Variants in TENM2 observed in about 807,000 individuals in gnomAD.
TENM2 encodes teneurin transmembrane protein 2.
Under a neutral mutation model 245.2 loss-of-function variants are expected in TENM2, and 52 were observed. That is an observed-to-expected ratio of 0.21 (90% confidence interval 0.17 to 0.27). TENM2 has a LOEUF of 0.27. Among genes scored for constraint, TENM2 ranks in the 10% least tolerant of loss-of-function variants. The pLI is 1.00. For synonymous variants in TENM2, 1,363 were observed against 1,438.9 expected (o/e 0.95, Z 1.19); for missense variants, 3,046 against 3,666.8 (o/e 0.83, Z 4.37).
the TENM2 span, among the ~76,000 whole-genome samples, chr5:166,986,293 G>T: frequency 1.3e-5 from 2 of 152,048 alleles, no homozygotes; most frequent in Non-Finnish European, 1.5e-5. Context: ...GTATGTTTTG[G>T]TTAAAAAAAT....
At chr5:167,541,645 G>A (rs1361600424) in intron 2 of TENM2, among the ~76,000 whole-genome samples, 1 of 152,088 alleles carries the variant, frequency 6.6e-6, no homozygotes, top group Admixed American at 6.6e-5. Flanking sequence ...ATTGCTTTAA[G>A]TGTTCTTTGG....
chr5:167,280,220 C>G (rs1245103328), upstream of TENM2, among the ~76,000 whole-genome samples: 1 of 152,174 alleles, frequency 6.6e-6, no homozygotes, highest in Non-Finnish European at 1.5e-5. Context: ...TGATACCTCT[C>G]TGGGTGGTAG....
At chr5:167,432,454 C>T (rs760732769) in intron 2 of TENM2, among the ~76,000 whole-genome samples, 4 of 151,756 alleles carry the variant, frequency 2.6e-5, no homozygotes, top group South Asian at 2.1e-4. Flanking sequence ...CTTTGCTAAA[C>T]GCATTCATTA....
chr5:168,076,104 T>C (rs559347116), intron 7 of TENM2, among the ~76,000 whole-genome samples: 1 of 152,368 alleles, frequency 6.6e-6, no homozygotes, highest in Non-Finnish European at 1.5e-5. Flanking sequence ...TTTTCAATTG[T>C]ATGTATATTC....
chr5:167,834,834 T>G (rs370546657), intron 2 of TENM2, among the ~76,000 whole-genome samples: 22 of 152,128 alleles, frequency 1.4e-4, no homozygotes, highest in Middle Eastern at 3.4e-3. Context: ...GTATTTTTAG[T>G]AGAGACTGGG....
chr5:167,294,993 G>A (rs1581683205), intron 1 of TENM2, among the ~76,000 whole-genome samples: 2 of 152,106 alleles, frequency 1.3e-5, no homozygotes, highest in African/African-American at 4.8e-5. Flanking sequence ...CCCTTAATGG[G>A]TTGTTATTGT....
At chr5:168,013,175 A>G (rs1481643663) in intron 5 of TENM2, among the ~76,000 whole-genome samples, 1 of 152,184 alleles carries the variant, frequency 6.6e-6, no homozygotes, top group East Asian at 1.9e-4. Context: ...ACTGTGTTAT[A>G]TGTCTATCCC....
chr5:167,530,822 G>A (rs1771444341), intron 2 of TENM2, among the ~76,000 whole-genome samples: 1 of 152,198 alleles, frequency 6.6e-6, no homozygotes, highest in African/African-American at 2.4e-5. Flanking sequence ...CCTCAAATGT[G>A]AGCCCTGCTG....
chr5:167,670,330 C>T (rs928060561), intron 2 of TENM2, among the ~76,000 whole-genome samples: 3 of 152,096 alleles, frequency 2.0e-5, no homozygotes, highest in Admixed American at 1.3e-4. Flanking sequence ...GGGAGCCCTG[C>T]AATTTTACTA....
intron 2 of TENM2, among the ~76,000 whole-genome samples, chr5:167,674,020 G>A (rs1297556396): frequency 1.3e-5 from 2 of 152,060 alleles, no homozygotes; most frequent in Admixed American, 6.6e-5. Flanking sequence ...TATCCACAGA[G>A]CAAAATTTGA....
intron 24 of TENM2, among the ~76,000 whole-genome samples, chr5:168,227,678 G>C (rs1764343520): frequency 6.6e-6 from 1 of 151,920 alleles, no homozygotes. Flanking sequence ...ATTATTTCTG[G>C]AGTGCCACAT....
the TENM2 span, among the ~76,000 whole-genome samples, chr5:167,102,698 G>C: frequency 6.6e-6 from 1 of 152,250 alleles, no homozygotes; most frequent in African/African-American, 2.4e-5. Context: ...TCGCTCTGTT[G>C]CTCAGGCTGG....
Position 167,986,362 on chromosome 5 carries a change from G to T in TENM2, c.948-6582G>T, listed in dbSNP as rs148721941. ...AAGTCACAGGAATGCAGGACACAGA[G>T]CTGAGAACGCAGAACCTTTGCCTTA... is the stretch of plus-strand genomic sequence containing the variant. On this transcript the variant is annotated intron_variant, in intron 4 of 28. Coordinates refer to ENST00000518659, the Ensembl canonical transcript of TENM2. 2.3e-3 allele frequency among the ~76,000 whole-genome samples: 344 copies of T among 152,298 alleles called. 1 individual carries two copies. The highest frequency in any genetic ancestry group is 7.9e-3 in the African/African-American group (330 of 41,566).
intron 2 of TENM2, among the ~76,000 whole-genome samples, chr5:167,482,185 G>T (rs539626040): frequency 4.6e-5 from 7 of 152,274 alleles, no homozygotes; most frequent in Admixed American, 1.3e-4. Context: ...TGGATATGAT[G>T]AATAAACCCT....
At chr5:168,212,909 A>ACCTCACAC (rs1444855767) in intron 20 of TENM2, among the ~76,000 whole-genome samples, 2 of 152,178 alleles carry the variant, frequency 1.3e-5, no homozygotes. Context: ...GCAAGAACTG[A>ACCTCACAC]CCTCACACCC....
intron 2 of TENM2, among the ~76,000 whole-genome samples, chr5:167,603,625 G>A (rs28538319): frequency 0.032 from 4,884 of 152,262 alleles, 262 homozygotes; most frequent in African/African-American, 0.11. Context: ...AGGCTGCAGT[G>A]AGTTGTGATT....
intron 2 of TENM2, among the ~76,000 whole-genome samples, chr5:167,828,297 C>T (rs886881016): frequency 6.6e-6 from 1 of 152,192 alleles, no homozygotes; most frequent in Non-Finnish European, 1.5e-5. Context: ...CAGATCTCAG[C>T]TCCGATGCTG....
At chr5:167,045,088 A>G in the TENM2 span, among the ~76,000 whole-genome samples, 1 of 152,202 alleles carries the variant, frequency 6.6e-6, no homozygotes. Context: ...GATGAAAGTG[A>G]TCAACAGCAC....
chr5:167,312,642 CT>C (rs1756106551), intron 1 of TENM2, among the ~76,000 whole-genome samples: 1 of 151,900 alleles, frequency 6.6e-6, no homozygotes, highest in South Asian at 2.1e-4. Context: ...AAAAATTGGT[CT>C]TATGTGAAAA....
Sources: allele counts gnomAD v4.1 joint callset (sites outside exome capture counted in the v4.1 genomes callset), GRCh38; gene constraint gnomAD v4.1.1; transcripts MANE v1.5; gene names NCBI Gene and HGNC (gene_info 2026-07-23, HGNC 2026-07-21).